Variants in RPL35A observed in about 807,000 individuals in gnomAD.
RPL35A encodes large ribosomal subunit protein eL33.
Under a neutral mutation model 16.7 loss-of-function variants are expected in RPL35A, and 1 was observed. The observed-to-expected ratio is 0.06, with a 90% CI of 0.02 to 0.28. The LOEUF (loss-of-function observed/expected upper bound fraction) is 0.28, where lower values mean the gene tolerates loss of function less well. Among genes scored for constraint, RPL35A ranks in the 10% least tolerant of loss-of-function variants. The pLI is 1.00. For synonymous variants in RPL35A, 58 were observed against 47.0 expected (o/e 1.23, Z -0.96); for missense variants, 91 against 138.7 (o/e 0.66, Z 1.73).
rs775694539 is a variant in RPL35A, at chr3:197,954,116, C to G, written c.278C>G (p.Pro93Arg). ...CGTGCCAAATTCCGAAGCAATCTTC[C>G]TGCTAAGGCCATTGGACACAGAATC... ...MVRAKFRSNLPAKAIGHRIRV... is the reference protein window; with the variant it reads ...MVRAKFRSNLRAKAIGHRIRV... The change falls in exon 4 of 5, where the codon CCT becomes CGT. Residue 93 changes from proline to arginine, a missense_variant. Physicochemically the swap from Pro to Arg is moderately radical, Grantham distance 103 (BLOSUM62 -2). Coordinates refer to ENST00000647248, the MANE Select transcript of RPL35A (RefSeq NM_000996.4). 2 of 1,614,162 alleles carry G rather than the reference C, an allele frequency of 1.2e-6. No individual in the cohort carries two copies. Among genetic ancestry groups the G allele is most frequent in the Admixed American group, 1.7e-5 (1 of 60,012 alleles).
intron 3 of RPL35A, chr3:197,951,652 C>CCTG: frequency 3.4e-6 from 1 of 293,434 alleles, no homozygotes; most frequent in South Asian, 3.5e-5. Context: ...CGCGCCTGGC[C>CCTG]TCATTATCCT....
At chr3:197,955,643 G>C in intron 4 of RPL35A, 107 bp from the exon 5 acceptor site, 3 of 1,005,698 alleles carry the variant, frequency 3.0e-6, no homozygotes, top group South Asian at 1.3e-5. Flanking sequence ...CTTACCACTA[G>C]AACATGTAAT....
intron 3 of RPL35A, 127 bp downstream of exon 3, chr3:197,951,438 C>A: frequency 1.9e-6 from 2 of 1,031,500 alleles, no homozygotes; most frequent in Admixed American, 1.8e-5. Context: ...CCGAAACCTC[C>A]GCCTCCCGGG....
chr3:197,954,215 C>T lies in RPL35A; in HGVS notation c.309+68C>T, dbSNP rs1036743770. The T allele has an allele frequency of 2.2e-5, 33 of 1,515,170 alleles. No homozygotes were observed. In the East Asian group the frequency reaches 4.5e-4, roughly 21 times the overall value. The allele number at this position is 1,515,170 out of a possible 1,614,324, so 93.9% of individuals were successfully genotyped here. ...CTAGGTTCAAGGTGTTGTGCTTTGA[C>T]TTCTGAGGACTTCTGTGGTTGTGAA... On this transcript the variant is annotated intron_variant, in intron 4 of 4. Coordinates refer to ENST00000647248, the MANE Select transcript of RPL35A (RefSeq NM_000996.4).
intron 1 of RPL35A, 170 bp downstream of exon 1, chr3:197,950,391 G>C (rs1039006291): frequency 7.8e-6 from 9 of 1,155,980 alleles, no homozygotes; most frequent in Non-Finnish European, 7.6e-6. Context: ...GATGGTGTTT[G>C]GTCCCCTGAC....
At chr3:197,951,599 C>T (rs1229084911) in intron 3 of RPL35A, 9 of 402,034 alleles carry the variant, frequency 2.2e-5, no homozygotes, top group Non-Finnish European at 3.7e-5. Flanking sequence ...GTGATCCGCC[C>T]ACCTCGGCCT....
In RPL35A at chr3:197,955,745, T is replaced by C. The variant is rs2109818932; in HGVS notation, c.310-5T>C. 1 of 1,602,318 alleles carries C rather than the reference T, an allele frequency of 6.2e-7. No individual in the cohort carries two copies. Among genetic ancestry groups the C allele is most frequent in the Middle Eastern group, 2.2e-4 (1 of 4,498 alleles). ...CTAATGTTTTGTGTTCTTTTTTCCC[T>C]GCAGATGCTGTACCCCTCAAGGATT... On this transcript the variant is annotated splice_polypyrimidine_tract_variant and splice_region_variant and intron_variant, in intron 4 of 4. Coordinates refer to ENST00000647248, the MANE Select transcript of RPL35A (RefSeq NM_000996.4).
intron 3 of RPL35A, among the ~76,000 whole-genome samples, chr3:197,952,078 T>C (rs1720141263): frequency 6.6e-6 from 1 of 152,164 alleles, no homozygotes; most frequent in Admixed American, 6.6e-5. Flanking sequence ...TTTCTAATTT[T>C]TTTTCTCGGC....
chr3:197,953,377 T>TA, intron 3 of RPL35A: 1 of 453,858 alleles, frequency 2.2e-6, no homozygotes, highest in Non-Finnish European at 4.4e-6. Context: ...CCGTGGTCTT[T>TA]AAAGGAAATA....
chr3:197,951,660 C>T (rs1377706767), intron 3 of RPL35A: 2 of 266,970 alleles, frequency 7.5e-6, no homozygotes, highest in Non-Finnish European at 1.5e-5. Context: ...GCCTCATTAT[C>T]CTATTGAAAT....
Position 197,955,902 on chromosome 3 carries a change from T to C in RPL35A, c.*129T>C. ...TAGAGGTTGCTCAGCATTTTTGGAGTACAAGGGGGTCAGAGAGACATGTGA... is the reference window on the plus strand; with the variant it reads ...TAGAGGTTGCTCAGCATTTTTGGAGCACAAGGGGGTCAGAGAGACATGTGA... On this transcript the variant is annotated 3_prime_UTR_variant, in exon 5 of 5. Transcript: ENST00000647248. 1.3e-6 allele frequency: 1 copy of C among 786,402 alleles called. No homozygotes were observed. Among genetic ancestry groups the C allele is most frequent in the Non-Finnish European group, 2.2e-6 (1 of 450,088 alleles). The allele number at this position is 786,402 out of a possible 1,614,324, so 48.7% of individuals were successfully genotyped here. A position where few individuals can be genotyped will look rare whatever the true frequency, so the allele number is the denominator to read the frequency against.
At chr3:197,954,942 G>A (rs1720413788) in intron 4 of RPL35A, among the ~76,000 whole-genome samples, 1 of 152,176 alleles carries the variant, frequency 6.6e-6, no homozygotes, top group African/African-American at 2.4e-5. Flanking sequence ...GTTAGAACAG[G>A]TGTTAGTAGC....
At chr3:197,950,527 C>A (rs569517529) in intron 1 of RPL35A, 3 of 311,708 alleles carry the variant, frequency 9.6e-6, no homozygotes, top group Non-Finnish European at 1.7e-5. Context: ...CCTCCCAGTC[C>A]ATACCTTCCT....
rs1418869575 is a variant in RPL35A at position 197,955,903 on chromosome 3, A to T, written c.*130A>T. Reference sequence around the variant, plus strand: ...AGAGGTTGCTCAGCATTTTTGGAGTACAAGGGGGTCAGAGAGACATGTGAT... The same window carrying T: ...AGAGGTTGCTCAGCATTTTTGGAGTTCAAGGGGGTCAGAGAGACATGTGAT... On this transcript the variant is annotated 3_prime_UTR_variant, in exon 5 of 5. Transcript: ENST00000647248. 1.3e-5 allele frequency: 10 copies of T among 787,540 alleles called. No homozygotes were observed. The highest frequency in any genetic ancestry group is 2.2e-5 in the Non-Finnish European group (10 of 451,058). 48.8% of individuals were successfully genotyped at this position (787,540 alleles called of 1,614,324 possible). A position where few individuals can be genotyped will look rare whatever the true frequency, so the allele number is the denominator to read the frequency against.
At chr3:197,951,429 C>A (rs1720071587) in intron 3 of RPL35A, 118 bp downstream of exon 3, 6 of 1,106,964 alleles carry the variant, frequency 5.4e-6, no homozygotes, top group Non-Finnish European at 8.2e-6. Flanking sequence ...TCTCCCTCAC[C>A]GAAACCTCCG....
At chr3:197,955,226 TAGA>T (rs1720435223) in intron 4 of RPL35A, among the ~76,000 whole-genome samples, 1 of 152,130 alleles carries the variant, frequency 6.6e-6, no homozygotes, top group Admixed American at 6.5e-5. Context: ...ACTCTGTCTT[TAGA>T]AGAAGCAAAA....
In RPL35A at chr3:197,951,149, T is replaced by C. The variant is rs1422895459; in HGVS notation, c.12-10T>C. ...CTTATGTTTCATGTTGTGTATCTTTTGTGTCTTAGGCTGTGGTCCAAGGCC... is the reference window on the plus strand; with the variant it reads ...CTTATGTTTCATGTTGTGTATCTTTCGTGTCTTAGGCTGTGGTCCAAGGCC... On this transcript the variant is annotated splice_polypyrimidine_tract_variant and intron_variant, in intron 2 of 4. Coordinates refer to ENST00000647248, the MANE Select transcript of RPL35A (RefSeq NM_000996.4). 3 of 1,614,140 alleles carry C rather than the reference T, an allele frequency of 1.9e-6. No homozygotes were observed. The highest frequency in any genetic ancestry group is 3.3e-5 in the Admixed American group (2 of 60,024).
In RPL35A at chr3:197,950,224, GAGTGA is replaced by G. The variant is rs985430227; in HGVS notation, c.-33+6_-33+10del. ...CCGCCATCTTGGCTCCTGTGGAGGT[GAGTGA>G]AGGGTCTGCTGCTGAAATTTGGGGG... On this transcript the variant is annotated splice_donor_5th_base_variant and intron_variant, in intron 1 of 4. Transcript: ENST00000647248. 1.6e-6 allele frequency: 2 copies of G among 1,231,186 alleles called. No individual in the cohort carries two copies. Among genetic ancestry groups the G allele is most frequent in the African/African-American group, 1.6e-5 (1 of 64,434 alleles). 76.3% of individuals were successfully genotyped at this position (1,231,186 alleles called of 1,614,324 possible). A position where few individuals can be genotyped will look rare whatever the true frequency, so the allele number is the denominator to read the frequency against.
At position 197,951,060 on chromosome 3, in the gene RPL35A, T is replaced by G. The variant is rs1449716800; in HGVS notation, c.11+82T>G. ...GAGCTTAAAATTGGCAAGAAAAAACTTAGATGTTTGCTCTGAGTAACTTTT... is the reference window on the plus strand; with the variant it reads ...GAGCTTAAAATTGGCAAGAAAAAACGTAGATGTTTGCTCTGAGTAACTTTT... On this transcript the variant is annotated intron_variant, in intron 2 of 4. Transcript: ENST00000647248. 5 of 1,603,524 alleles carry G rather than the reference T, an allele frequency of 3.1e-6. No homozygotes were observed. In the Admixed American group the frequency reaches 5.0e-5, roughly 16 times the overall value.
Sources: gnomAD v4.1 joint callset for allele counts (sites outside exome capture counted in the v4.1 genomes callset) on GRCh38, gnomAD v4.1.1 for gene constraint, MANE v1.5 for transcripts, NCBI Gene and HGNC (gene_info 2026-07-23, HGNC 2026-07-21) for gene names.